The following TNR variants were observed in gnomAD, a reference collection of about 807,000 sequenced individuals.
TNR encodes the protein tenascin-R.
TNR carries 45 observed loss-of-function variants against 150.4 expected under a neutral mutation model. The observed-to-expected ratio is 0.30, with a 90% CI of 0.24 to 0.38. The LOEUF is 0.38. Among genes scored for constraint, TNR ranks in the 10% least tolerant of loss-of-function variants. The probability of loss-of-function intolerance (pLI) is 1.00; values close to 1 mark genes in which losing one functional copy is unlikely to be tolerated. For synonymous variants in TNR, 687 were observed against 678.4 expected, an observed-to-expected ratio of 1.01 and a Z score of -0.20; for missense variants, 1,544 against 1,759.1, an observed-to-expected ratio of 0.88 and a Z score of 2.19.
chr1:175,510,280 T>A (rs1218702449), intron 2 of TNR, among the ~76,000 whole-genome samples: 1 of 152,028 alleles, frequency 6.6e-6, no homozygotes, highest in Non-Finnish European at 1.5e-5. Context: ...CTCTTCTAAG[T>A]CCAGGGACTT....
chr1:175,509,567 G>T (rs1241797400), intron 2 of TNR, among the ~76,000 whole-genome samples: 1 of 151,972 alleles, frequency 6.6e-6, no homozygotes, highest in Non-Finnish European at 1.5e-5. Flanking sequence ...TTTTTTTCAT[G>T]GCACTTCCAA....
intron 1 of TNR, among the ~76,000 whole-genome samples, chr1:175,727,207 C>A (rs1667504521): frequency 6.6e-6 from 1 of 152,184 alleles, no homozygotes; most frequent in Admixed American, 6.5e-5. Flanking sequence ...GTACACATTG[C>A]CTAAAACTTT....
At chr1:175,516,464 G>T (rs1012362099) in intron 2 of TNR, among the ~76,000 whole-genome samples, 6 of 152,170 alleles carry the variant, frequency 3.9e-5, no homozygotes, top group African/African-American at 7.2e-5. Flanking sequence ...GGGACTGTGT[G>T]GTCCATTTCC....
At position 175,440,867 on chromosome 1, in the gene TNR, G is replaced by C. The variant is rs144277347; in HGVS notation, c.-63-34090C>G. Among the ~76,000 whole-genome samples the C allele has an allele frequency of 4.7e-3, 712 of 152,302 alleles. 1 individual carries two copies. Among genetic ancestry groups the C allele is most frequent in the Non-Finnish European group, 8.0e-3 (545 of 68,032 alleles). ...TGCTACAGAATAGAGAGGATATTTG[G>C]TGGACTGGTGTCCTTAAGTAGGAGA... On this transcript the variant is annotated intron_variant, in intron 2 of 22. Transcript: ENST00000367674.
intron 2 of TNR, among the ~76,000 whole-genome samples, chr1:175,416,144 T>A (rs1455561345): frequency 7.7e-6 from 1 of 129,374 alleles, no homozygotes; most frequent in African/African-American, 3.2e-5. Flanking sequence ...ACACACACAC[T>A]ATATATATAA....
intron 1 of TNR, among the ~76,000 whole-genome samples, chr1:175,573,966 G>A (rs933823450): frequency 2.0e-5 from 3 of 152,318 alleles, no homozygotes; most frequent in South Asian, 2.1e-4. Context: ...CCCATTTCCT[G>A]CATATGGGAT....
At chr1:175,631,373 G>A (rs1282498357) in intron 1 of TNR, among the ~76,000 whole-genome samples, 2 of 152,188 alleles carry the variant, frequency 1.3e-5, no homozygotes, top group Non-Finnish European at 2.9e-5. Context: ...ACATCTACAG[G>A]TCTATAGCAA....
At chr1:175,507,505 G>A (rs146876565) in intron 2 of TNR, among the ~76,000 whole-genome samples, 40 of 152,198 alleles carry the variant, frequency 2.6e-4, no homozygotes, top group African/African-American at 9.4e-4. Context: ...TGAGGCTGTT[G>A]ATAGCCCTTG....
At chr1:175,553,158 C>T (rs956314402) in intron 1 of TNR, among the ~76,000 whole-genome samples, 4 of 152,072 alleles carry the variant, frequency 2.6e-5, no homozygotes, top group African/African-American at 9.7e-5. Flanking sequence ...AAGTTTGAGG[C>T]TAAAGAAATG....
intron 1 of TNR, among the ~76,000 whole-genome samples, chr1:175,686,213 A>C (rs1666196065): frequency 6.6e-6 from 1 of 152,222 alleles, no homozygotes; most frequent in Non-Finnish European, 1.5e-5. Flanking sequence ...AGTTTCTTGT[A>C]ATCCCTGGCT....
intron 1 of TNR, among the ~76,000 whole-genome samples, chr1:175,629,575 C>T (rs1301149971): frequency 6.6e-6 from 1 of 152,056 alleles, no homozygotes; most frequent in Non-Finnish European, 1.5e-5. Context: ...ACCAGGCTGG[C>T]GTCAAACCCT....
At chr1:175,700,743 G>A (rs1192288153) in intron 1 of TNR, among the ~76,000 whole-genome samples, 1 of 152,140 alleles carries the variant, frequency 6.6e-6, no homozygotes, top group South Asian at 2.1e-4. Context: ...GGTCCCATTT[G>A]TCACTCCTCT....
chr1:175,427,822 CCTT>C (rs1252437386), intron 2 of TNR, among the ~76,000 whole-genome samples: 1 of 133,354 alleles, frequency 7.5e-6, no homozygotes, highest in Non-Finnish European at 1.6e-5. Flanking sequence ...CCTCTTTTTT[CCTT>C]CTTTCCTCCC....
chr1:175,584,583 T>TCAACTA (rs954569619), intron 1 of TNR, among the ~76,000 whole-genome samples: 2 of 152,280 alleles, frequency 1.3e-5, no homozygotes, highest in Admixed American at 1.3e-4. Context: ...ATGAAAAGCA[T>TCAACTA]CAACTACATA....
chr1:175,405,308 T>G (rs1409181654), intron 3 of TNR, among the ~76,000 whole-genome samples: 3 of 152,216 alleles, frequency 2.0e-5, no homozygotes, highest in Admixed American at 2.0e-4. Context: ...GTTAATAACT[T>G]CTTGTTGCTC....
At chr1:175,574,526 T>C (rs1279107833) in intron 1 of TNR, among the ~76,000 whole-genome samples, 4 of 152,166 alleles carry the variant, frequency 2.6e-5, no homozygotes, top group East Asian at 1.9e-4. Flanking sequence ...GTGGGAGATA[T>C]GCAGCGATAA....
intron 2 of TNR, among the ~76,000 whole-genome samples, chr1:175,483,099 C>T (rs1358973915): frequency 6.6e-6 from 1 of 152,208 alleles, no homozygotes; most frequent in Non-Finnish European, 1.5e-5. Context: ...TTTGTGTAAG[C>T]AAGGAGCTGT....
At chr1:175,616,263 C>T (rs956530162) in intron 1 of TNR, among the ~76,000 whole-genome samples, 5 of 152,186 alleles carry the variant, frequency 3.3e-5, no homozygotes, top group African/African-American at 4.8e-5. Flanking sequence ...TGTTCATGAC[C>T]AAAGCCTCCC....
At chr1:175,512,344 T>G (rs1659216925) in intron 2 of TNR, among the ~76,000 whole-genome samples, 1 of 152,260 alleles carries the variant, frequency 6.6e-6, no homozygotes, top group African/African-American at 2.4e-5. Flanking sequence ...TTTAAAAATC[T>G]TTATCAGACA....
Sources: allele counts gnomAD v4.1 joint callset (sites outside exome capture counted in the v4.1 genomes callset), GRCh38; gene constraint gnomAD v4.1.1; transcripts MANE v1.5; gene names NCBI Gene and HGNC (gene_info 2026-07-23, HGNC 2026-07-21).